IFITM10: variants seen among roughly 807,000 people sequenced by gnomAD.
IFITM10 encodes interferon induced transmembrane protein 10.
IFITM10 carries 17 observed loss-of-function variants against 19.0 expected under a neutral mutation model. The observed-to-expected ratio is 0.90, with a 90% CI of 0.61 to 1.34. The LOEUF is 1.34. Ranked by LOEUF, IFITM10 falls within the 40% of genes most tolerant of loss-of-function variation. The pLI is 0.00. For synonymous variants in IFITM10, 148 were observed against 147.2 expected (o/e 1.01, Z -0.04); for missense variants, 306 against 319.8 (o/e 0.96, Z 0.33).
At chr11:1,749,124 A>G in intron 1 of IFITM10, 1 of 1,049,722 alleles carries the variant, frequency 9.5e-7, no homozygotes, top group Non-Finnish European at 1.2e-6. Flanking sequence ...CCAGCGGCCC[A>G]ACCTTGAGGG....
intron 2 of IFITM10, among the ~76,000 whole-genome samples, chr11:1,740,299 C>CAAAAAAAA (rs58480346): frequency 1.4e-3 from 56 of 40,940 alleles, no homozygotes; most frequent in African/African-American, 1.5e-3. Flanking sequence ...GACTCCATCT[C>CAAAAAAAA]AAAAAAAAAA....
At position 1,738,025 on chromosome 11, in the gene IFITM10, G is replaced by T. The variant is rs371716479; in HGVS notation, c.538-2596C>A. Among the ~76,000 whole-genome samples, 53 of 152,202 alleles carry T rather than the reference G, an allele frequency of 3.5e-4. No individual in the cohort carries two copies. In the South Asian group the frequency reaches 0.011, roughly 30 times the overall value. ...GAAAATGGCGGCCACAGCTAAAGAAGATAGGGAAGAGGAGGGTGGGGGAGT... is the reference window on the plus strand; with the variant it reads ...GAAAATGGCGGCCACAGCTAAAGAATATAGGGAAGAGGAGGGTGGGGGAGT... On this transcript the variant is annotated intron_variant, in intron 2 of 2. Transcript: ENST00000340134.
intron 2 of IFITM10, chr11:1,746,619 G>T (rs772554597): frequency 1.0e-5 from 4 of 398,548 alleles, no homozygotes; most frequent in African/African-American, 4.1e-5. Flanking sequence ...CCGCAGTTGC[G>T]ATGCCGGGCG....
intron 2 of IFITM10, 56 bp downstream of exon 2, chr11:1,747,611 C>A: frequency 6.8e-7 from 1 of 1,480,654 alleles, no homozygotes; most frequent in Non-Finnish European, 9.2e-7. Flanking sequence ...CAGGGACTGT[C>A]CTGCCGGCAC....
intron 1 of IFITM10, 126 bp downstream of exon 1, chr11:1,750,233 G>C (rs1845701533): frequency 6.7e-7 from 1 of 1,502,192 alleles, no homozygotes; most frequent in Admixed American, 2.0e-5. Context: ...GACGCCAGCT[G>C]ATCTTCCATC....
chr11:1,744,296 T>G (rs1016343504), intron 2 of IFITM10: 2 of 152,262 alleles, frequency 1.3e-5, no homozygotes, highest in Non-Finnish European at 2.9e-5. Context: ...GGGGCAGGAC[T>G]GTCTCTGGAG....
At chr11:1,747,333 C>T (rs1390071494) in intron 2 of IFITM10, among the ~76,000 whole-genome samples, 1 of 152,160 alleles carries the variant, frequency 6.6e-6, no homozygotes, top group African/African-American at 2.4e-5. Context: ...CGTCCCATGT[C>T]CCCTGAGCCT....
chr11:1,737,376 A>T, intron 2 of IFITM10, among the ~76,000 whole-genome samples: 1 of 152,234 alleles, frequency 6.6e-6, no homozygotes, highest in Non-Finnish European at 1.5e-5. Context: ...TCCTCCTTGC[A>T]GTCTACTCCT....
Position 1,734,385 on chromosome 11 carries a change from C to G in IFITM10, c.*895G>C, listed in dbSNP as rs1565009693. 1 of 152,238 alleles carries G rather than the reference C, an allele frequency of 6.6e-6. No homozygotes were observed. The highest frequency in any genetic ancestry group is 1.5e-5 in the Non-Finnish European group (1 of 68,062). The allele number at this position is 152,238 out of a possible 1,614,324, so 9.4% of individuals were successfully genotyped here. ...GAAAGGCCATTTTCCTATTTTACAG[C>G]TAAGGAGATGGGCACGAGAGAGGTA... is the stretch of plus-strand genomic sequence containing the variant. On this transcript the variant is annotated 3_prime_UTR_variant, in exon 3 of 3. Transcript: ENST00000340134.
At chr11:1,735,659 C>T (rs533670625) in intron 2 of IFITM10, among the ~76,000 whole-genome samples, 24 of 152,266 alleles carry the variant, frequency 1.6e-4, no homozygotes, top group Admixed American at 3.9e-4. Flanking sequence ...TCTCAGCCCT[C>T]AACTGGTTTA....
chr11:1,738,510 G>A (rs1851110821), intron 2 of IFITM10, among the ~76,000 whole-genome samples: 2 of 152,238 alleles, frequency 1.3e-5, no homozygotes, highest in South Asian at 2.1e-4. Flanking sequence ...ATATGCAAGT[G>A]TATGCCACAT....
At chr11:1,736,784 GTGGA>G (rs1475264160) in intron 2 of IFITM10, among the ~76,000 whole-genome samples, 2 of 148,900 alleles carry the variant, frequency 1.3e-5, no homozygotes, top group East Asian at 3.9e-4. Context: ...AATGGATAGA[GTGGA>G]TGGAGTGGAG....
chr11:1,739,592 G>A (rs1051159549), intron 2 of IFITM10, among the ~76,000 whole-genome samples: 1 of 152,144 alleles, frequency 6.6e-6, no homozygotes, highest in African/African-American at 2.4e-5. Flanking sequence ...AACCTGAAGA[G>A]GCTCAGGGGA....
intron 2 of IFITM10, chr11:1,744,914 C>T (rs1264794757): frequency 6.6e-6 from 1 of 152,292 alleles, no homozygotes; most frequent in African/African-American, 2.4e-5. Flanking sequence ...GTCAGGAGAC[C>T]TGCAGCTGGG....
At chr11:1,741,632 G>A (rs1374755735) in intron 2 of IFITM10, among the ~76,000 whole-genome samples, 1 of 152,144 alleles carries the variant, frequency 6.6e-6, no homozygotes, top group Non-Finnish European at 1.5e-5. Context: ...AAAAGAGCAG[G>A]GGTGGGCAGA....
At chr11:1,746,231 GCA>G (rs1459646929) in intron 2 of IFITM10, 28 of 228,970 alleles carry the variant, frequency 1.2e-4, no homozygotes, top group Admixed American at 2.3e-4. Flanking sequence ...ACACACTTGT[GCA>G]CACACATTTA....
intron 2 of IFITM10, among the ~76,000 whole-genome samples, chr11:1,737,387 A>G (rs1049177543): frequency 6.6e-6 from 1 of 152,222 alleles, no homozygotes; most frequent in Non-Finnish European, 1.5e-5. Context: ...GTCTACTCCT[A>G]GACAGCACAG....
chr11:1,740,888 T>C (rs1008560124), intron 2 of IFITM10, among the ~76,000 whole-genome samples: 1 of 151,900 alleles, frequency 6.6e-6, no homozygotes, highest in Non-Finnish European at 1.5e-5. Flanking sequence ...TCCTGAGAGC[T>C]GGTTGCTTTA....
rs1851073335 is a variant in IFITM10 at position 1,735,270 on chromosome 11, C to T, written c.*10G>A. 2 of 1,551,410 alleles carry T rather than the reference C, an allele frequency of 1.3e-6. No individual in the cohort carries two copies. Among genetic ancestry groups the T allele is most frequent in the Non-Finnish European group, 8.7e-7 (1 of 1,146,800 alleles). Reference sequence around the variant, plus strand: ...TGCTTGTCTCCGCCAGCAGCCGTGCCTGGCGGGCCTTAGTAGTCGGTGAGG... The same window carrying T: ...TGCTTGTCTCCGCCAGCAGCCGTGCTTGGCGGGCCTTAGTAGTCGGTGAGG... On this transcript the variant is annotated 3_prime_UTR_variant, in exon 3 of 3. Coordinates refer to ENST00000340134, the MANE Select transcript of IFITM10 (RefSeq NM_001170820.4).
Sources: allele counts gnomAD v4.1 joint callset (sites outside exome capture counted in the v4.1 genomes callset), GRCh38; gene constraint gnomAD v4.1.1; transcripts MANE v1.5; gene names NCBI Gene and HGNC (gene_info 2026-07-23, HGNC 2026-07-21).